Variants in NKAIN2 observed in about 807,000 individuals in gnomAD.
NKAIN2 encodes sodium/potassium transporting ATPase interacting 2, also known as sodium/potassium-transporting ATPase subunit beta-1-interacting protein 2.
NKAIN2 carries 14 observed loss-of-function variants against 32.6 expected under a neutral mutation model. The observed-to-expected ratio is 0.43, with a 90% CI of 0.28 to 0.67. NKAIN2 has a LOEUF of 0.67. Among genes scored for constraint, NKAIN2 ranks in the 30% least tolerant of loss-of-function variants. The pLI is 0.17. For missense variants in NKAIN2, 198 were observed against 258.3 expected (o/e 0.77, Z 1.60); for synonymous variants, 80 against 87.2 (o/e 0.92, Z 0.46).
intron 1 of NKAIN2, among the ~76,000 whole-genome samples, chr6:124,062,176 T>C (rs1465535006): frequency 1.3e-5 from 2 of 152,142 alleles, no homozygotes; most frequent in African/African-American, 2.4e-5. Context: ...TTCAATTAAG[T>C]TTATGGCCTA....
intron 1 of NKAIN2, among the ~76,000 whole-genome samples, chr6:124,031,105 G>T (rs1036177183): frequency 6.6e-6 from 1 of 151,812 alleles, no homozygotes; most frequent in Non-Finnish European, 1.5e-5. Context: ...AGACTGATGG[G>T]GTATGAATAT....
rs963651837 is a variant in NKAIN2 at position 124,102,410 on chromosome 6, G to C, written c.55-180595G>C. The stretch of plus-strand genomic sequence containing the variant: ...CTTTCAGCAAGTGTTAACTTATCTT[G>C]GAAAACGAATAGTCTCATCTAAAAG... On this transcript the variant is annotated intron_variant, in intron 1 of 6. Coordinates refer to ENST00000368417, the MANE Select transcript of NKAIN2 (RefSeq NM_001040214.3). 1.2e-4 allele frequency among the ~76,000 whole-genome samples: 19 copies of C among 152,160 alleles called. 1 individual carries two copies. The highest frequency in any genetic ancestry group is 1.2e-3 in the Admixed American group (19 of 15,282).
chr6:124,433,564 G>A (rs1288277420), intron 3 of NKAIN2, among the ~76,000 whole-genome samples: 1 of 152,170 alleles, frequency 6.6e-6, no homozygotes, highest in East Asian at 1.9e-4. Context: ...TCTGGGTCTT[G>A]AGAACAAATG....
intron 4 of NKAIN2, among the ~76,000 whole-genome samples, chr6:124,756,770 A>G (rs939788493): frequency 1.3e-5 from 2 of 152,140 alleles, no homozygotes; most frequent in East Asian, 3.9e-4. Context: ...GCTTTTTCAG[A>G]CTATTGAAAA....
intron 4 of NKAIN2, among the ~76,000 whole-genome samples, chr6:124,709,572 G>A (rs1218605563): frequency 6.7e-6 from 1 of 150,008 alleles, no homozygotes; most frequent in East Asian, 2.0e-4. Flanking sequence ...TCTTGGGAGA[G>A]TGTATGTGTT....
chr6:124,634,420 CAG>C (rs1489049318), intron 3 of NKAIN2, among the ~76,000 whole-genome samples: 3 of 151,904 alleles, frequency 2.0e-5, no homozygotes, highest in Non-Finnish European at 2.9e-5. Context: ...AAAAACCAAA[CAG>C]AAATCATATT....
chr6:124,002,963 T>C (rs955402932), intron 1 of NKAIN2, among the ~76,000 whole-genome samples: 2 of 152,134 alleles, frequency 1.3e-5, no homozygotes, highest in Admixed American at 1.3e-4. Context: ...GATGACTGGC[T>C]CCATTTGGAG....
intron 3 of NKAIN2, among the ~76,000 whole-genome samples, chr6:124,405,390 T>C (rs994553166): frequency 2.6e-5 from 4 of 152,198 alleles, no homozygotes; most frequent in African/African-American, 9.6e-5. Flanking sequence ...TTTCAGACCT[T>C]AGAAACTAAG....
chr6:124,593,353 ATG>A (rs1781978605), intron 3 of NKAIN2, among the ~76,000 whole-genome samples: 1 of 152,098 alleles, frequency 6.6e-6, no homozygotes, highest in Non-Finnish European at 1.5e-5. Flanking sequence ...TAAAACAATT[ATG>A]TCATCTGGCT....
chr6:124,277,508 C>T (rs1430548370), intron 1 of NKAIN2, among the ~76,000 whole-genome samples: 2 of 150,986 alleles, frequency 1.3e-5, no homozygotes, highest in African/African-American at 2.4e-5. Context: ...GCTAATTTTA[C>T]TTGTTAGGTA....
intron 2 of NKAIN2, among the ~76,000 whole-genome samples, chr6:124,292,184 C>A (rs915229555): frequency 6.6e-6 from 1 of 152,136 alleles, no homozygotes; most frequent in Non-Finnish European, 1.5e-5. Flanking sequence ...TGTTTTCCAG[C>A]CCACTTTACA....
intron 1 of NKAIN2, among the ~76,000 whole-genome samples, chr6:124,152,759 T>A (rs977557974): frequency 1.3e-5 from 2 of 151,950 alleles, no homozygotes; most frequent in Non-Finnish European, 2.9e-5. Context: ...TCAACCTAAG[T>A]ATCTGTCAGT....
chr6:124,453,322 AACACACACACACACACACACACAC>A (rs766482280), intron 3 of NKAIN2, among the ~76,000 whole-genome samples: 2 of 63,876 alleles, frequency 3.1e-5, no homozygotes, highest in East Asian at 3.9e-4. Flanking sequence ...CATGCATATA[AACACACACACACACACACACACAC>A]ACACACACAC....
rs149124606 is a variant in NKAIN2 at position 123,894,969 on chromosome 6, A to C, written c.54+90715A>C. Among the ~76,000 whole-genome samples the C allele has an allele frequency of 4.9e-3, 739 of 152,256 alleles. 5 individuals carry two copies. Among genetic ancestry groups the C allele is most frequent in the African/African-American group, 0.017 (703 of 41,550 alleles). Reference sequence around the variant, plus strand: ...AAAGATGTATTTTAAAGAAATACAGACCGGAAGTGGATCTATAGCGCCCTA... The same window carrying C: ...AAAGATGTATTTTAAAGAAATACAGCCCGGAAGTGGATCTATAGCGCCCTA... On this transcript the variant is annotated intron_variant, in intron 1 of 6. Transcript: ENST00000368417.
chr6:124,432,539 T>C (rs531045385), intron 3 of NKAIN2, among the ~76,000 whole-genome samples: 1 of 152,134 alleles, frequency 6.6e-6, no homozygotes, highest in African/African-American at 2.4e-5. Flanking sequence ...GCCTGGAAGG[T>C]AGAGGCTACA....
chr6:123,863,306 T>C (rs1167756879), intron 1 of NKAIN2, among the ~76,000 whole-genome samples: 1 of 152,192 alleles, frequency 6.6e-6, no homozygotes, highest in Non-Finnish European at 1.5e-5. Context: ...TCTAATTAGG[T>C]TTATAGATAA....
chr6:124,795,996 T>C (rs994643827), intron 5 of NKAIN2, among the ~76,000 whole-genome samples: 9 of 152,302 alleles, frequency 5.9e-5, no homozygotes, highest in African/African-American at 2.2e-4. Flanking sequence ...TTTACATCTC[T>C]GACCCTTTAG....
chr6:124,030,041 A>AAAAC (rs144418162), intron 1 of NKAIN2, among the ~76,000 whole-genome samples: 79 of 151,986 alleles, frequency 5.2e-4, no homozygotes, highest in African/African-American at 1.5e-3. Flanking sequence ...CATCTCTACA[A>AAAAC]AAACAAACAA....
At chr6:123,931,097 A>T (rs1319146983) in intron 1 of NKAIN2, among the ~76,000 whole-genome samples, 1 of 151,984 alleles carries the variant, frequency 6.6e-6, no homozygotes, top group Non-Finnish European at 1.5e-5. Flanking sequence ...AGAGGCTCTC[A>T]TAGATGTTCT....
Sources: allele counts gnomAD v4.1 joint callset (sites outside exome capture counted in the v4.1 genomes callset), GRCh38; gene constraint gnomAD v4.1.1; transcripts MANE v1.5; gene names NCBI Gene and HGNC (gene_info 2026-07-23, HGNC 2026-07-21).